ABCB11: variants seen among roughly 807,000 people sequenced by gnomAD.
ABCB11 encodes the protein ATP binding cassette subfamily B member 11, also known as bile salt export pump.
Under a neutral mutation model 148.0 loss-of-function variants are expected in ABCB11, and 95 were observed. The ratio of observed to expected loss-of-function variants is 0.64; its 90% confidence interval spans 0.54 to 0.76. The LOEUF (loss-of-function observed/expected upper bound fraction) is 0.76, where lower values mean the gene tolerates loss of function less well. Among genes scored for constraint, ABCB11 ranks in the 30% least tolerant of loss-of-function variants. ABCB11 has a pLI of 0.00. For missense variants in ABCB11, 1,523 were observed against 1,617.8 expected (o/e 0.94, Z 1.01); for synonymous variants, 591 against 555.4 (o/e 1.06, Z -0.90).
intron 24 of ABCB11, among the ~76,000 whole-genome samples, chr2:168,931,182 A>G (rs1026539007): frequency 5.9e-5 from 9 of 152,190 alleles, no homozygotes; most frequent in Admixed American, 4.6e-4. Flanking sequence ...ACATCACAGA[A>G]GCCAGTAACT....
chr2:168,925,863 A>C (rs1198055565), intron 26 of ABCB11, among the ~76,000 whole-genome samples: 2 of 152,212 alleles, frequency 1.3e-5, no homozygotes, highest in Non-Finnish European at 2.9e-5. Context: ...GCCCAACATG[A>C]GTAGCTATTC....
intron 19 of ABCB11, among the ~76,000 whole-genome samples, chr2:168,949,306 G>C (rs530536188): frequency 6.6e-6 from 1 of 151,726 alleles, no homozygotes; most frequent in South Asian, 2.1e-4. Flanking sequence ...CACCTGAATA[G>C]TGAACATTGT....
At position 168,978,744 on chromosome 2, in the gene ABCB11, G is replaced by A. The variant is rs150172288; in HGVS notation, c.1197+1122C>T. The stretch of plus-strand genomic sequence containing the variant: ...TCTGTTTGTTTGTTTTTTGAGACAC[G>A]TTCTCACTCTGTTGCCCAGGCTGGA... On this transcript the variant is annotated intron_variant, in intron 11 of 27. Transcript: ENST00000650372. 7.3e-3 allele frequency among the ~76,000 whole-genome samples: 1,102 copies of A among 151,698 alleles called. 21 individuals carry two copies. The highest frequency in any genetic ancestry group is 0.025 in the African/African-American group (1,027 of 41,332).
chr2:168,944,224 C>G (rs1263776090), intron 21 of ABCB11, among the ~76,000 whole-genome samples: 3 of 152,044 alleles, frequency 2.0e-5, no homozygotes, highest in Non-Finnish European at 1.5e-5. Flanking sequence ...TAAGGCTAAA[C>G]CACACTCTGG....
At chr2:168,961,495 G>C (rs1436639759) in intron 18 of ABCB11, among the ~76,000 whole-genome samples, 5 of 151,682 alleles carry the variant, frequency 3.3e-5, no homozygotes, top group African/African-American at 1.2e-4. Flanking sequence ...TAAGTTATCT[G>C]TGATGCAGTT....
At chr2:168,972,992 CATAAT>C (rs1307644962) in intron 13 of ABCB11, among the ~76,000 whole-genome samples, 1 of 151,978 alleles carries the variant, frequency 6.6e-6, no homozygotes, top group Admixed American at 6.6e-5. Flanking sequence ...GTATCTGACA[CATAAT>C]ATGTGATAAA....
intron 2 of ABCB11, among the ~76,000 whole-genome samples, chr2:169,017,010 AC>A (rs2106055924): frequency 6.7e-6 from 1 of 149,414 alleles, no homozygotes; most frequent in Non-Finnish European, 1.5e-5. Context: ...ACACACACAC[AC>A]ACACACACAC....
Position 169,018,032 on chromosome 2 carries a change from G to T in ABCB11, c.76+18C>A. 5 of 1,600,614 alleles carry T rather than the reference G, an allele frequency of 3.1e-6. No homozygotes were observed. Among genetic ancestry groups the T allele is most frequent in the Non-Finnish European group, 4.3e-6 (5 of 1,168,020 alleles). On this transcript the variant is annotated intron_variant, in intron 2 of 27. Transcript: ENST00000650372. ...CCTCTCCTTGTACAAGATGCAGTGA[G>T]GGAAAAAAGCCACTCACATGATTTA...
At chr2:168,923,929 G>T (rs1283517737) in intron 27 of ABCB11, 107 bp from the exon 28 acceptor site, 1 of 1,048,508 alleles carries the variant, frequency 9.5e-7, no homozygotes, top group Non-Finnish European at 1.4e-6. Flanking sequence ...TATACTTGAC[G>T]GCAAACCCAA....
chr2:168,924,310 G>T (rs1300216878), intron 27 of ABCB11, among the ~76,000 whole-genome samples: 1 of 152,124 alleles, frequency 6.6e-6, no homozygotes, highest in Non-Finnish European at 1.5e-5. Context: ...TGTGTTGCAT[G>T]TGGCCTACCT....
intron 5 of ABCB11, among the ~76,000 whole-genome samples, chr2:169,002,544 T>C (rs1573964903): frequency 6.6e-6 from 1 of 152,150 alleles, no homozygotes; most frequent in African/African-American, 2.4e-5. Flanking sequence ...TATGTGTCCA[T>C]CAACAAATGA....
intron 1 of ABCB11, among the ~76,000 whole-genome samples, chr2:169,029,942 G>T (rs111999250): frequency 0.05 from 7,264 of 146,230 alleles, 416 homozygotes; most frequent in African/African-American, 0.065. Context: ...GGGTTTCACC[G>T]TGTTAGCCAG....
At chr2:168,919,573 G>A (rs1242846580), downstream of ABCB11, among the ~76,000 whole-genome samples, 1 of 151,740 alleles carries the variant, frequency 6.6e-6, no homozygotes, top group African/African-American at 2.4e-5. Flanking sequence ...CTTGAGTTAG[G>A]TCATCTGTTC....
At chr2:168,992,158 A>G (rs533769944) in intron 8 of ABCB11, among the ~76,000 whole-genome samples, 10 of 151,810 alleles carry the variant, frequency 6.6e-5, no homozygotes, top group African/African-American at 2.4e-4. Context: ...AGTTTGTTGT[A>G]TAAGGACAAG....
rs747749723 is a variant in ABCB11 at position 168,924,641 on chromosome 2, G to GAAATTCAACA, written c.3765+6_3765+15dup. On this transcript the variant is annotated intron_variant, in intron 27 of 27. Coordinates refer to ENST00000650372, the MANE Select transcript of ABCB11 (RefSeq NM_003742.4). ...TTATTTGTAATGATCTAAGACTTTAGAAATTCAACACTTACCTTTTCACTT... is the reference window on the plus strand; with the variant it reads ...TTATTTGTAATGATCTAAGACTTTAGAAATTCAACAAAATTCAACACTTACCTTTTCACTT... The GAAATTCAACA allele has an allele frequency of 5.6e-6, 9 of 1,612,692 alleles. No individual in the cohort carries two copies. Among genetic ancestry groups the GAAATTCAACA allele is most frequent in the Middle Eastern group, 1.6e-4 (1 of 6,084 alleles).
intron 10 of ABCB11, among the ~76,000 whole-genome samples, chr2:168,984,719 A>G (rs953071785): frequency 2.6e-5 from 4 of 152,144 alleles, no homozygotes; most frequent in African/African-American, 4.8e-5. Flanking sequence ...TCATAGCTAT[A>G]AAGTGTTCAG....
At chr2:169,005,022 G>A (rs573100628) in intron 5 of ABCB11, among the ~76,000 whole-genome samples, 6 of 152,132 alleles carry the variant, frequency 3.9e-5, no homozygotes, top group Non-Finnish European at 8.8e-5. Flanking sequence ...TCTTGCAGCT[G>A]TGGATAACAG....
rs542478819 is a variant in ABCB11, at chr2:168,967,094, A to G, written c.2075+1333T>C. Among the ~76,000 whole-genome samples the G allele has an allele frequency of 2.6e-5, 4 of 152,006 alleles. No homozygotes were observed. In the East Asian group the frequency reaches 7.8e-4, roughly 30 times the overall value. On this transcript the variant is annotated intron_variant, in intron 17 of 27. Coordinates refer to ENST00000650372, the MANE Select transcript of ABCB11 (RefSeq NM_003742.4). ...TTGCAACCTTTAACCTAGTGACCAA[A>G]AGAGATGCCTAGTCATTCTCTGGGT...
intron 10 of ABCB11, among the ~76,000 whole-genome samples, chr2:168,981,383 T>C (rs1021055495): frequency 2.6e-5 from 4 of 151,920 alleles, no homozygotes; most frequent in African/African-American, 9.7e-5. Flanking sequence ...TTATGGCAGG[T>C]GGTTCCTCCC....
Sources: gnomAD v4.1 joint callset for allele counts (sites outside exome capture counted in the v4.1 genomes callset) on GRCh38, gnomAD v4.1.1 for gene constraint, MANE v1.5 for transcripts, NCBI Gene and HGNC (gene_info 2026-07-23, HGNC 2026-07-21) for gene names.